F8: variants seen among roughly 807,000 people sequenced by gnomAD.
F8 encodes the protein coagulation factor VIII.
Under a neutral mutation model 140.6 loss-of-function variants are expected in F8, and 12 were observed. The ratio of observed to expected loss-of-function variants is 0.09; its 90% CI spans 0.05 to 0.14. The LOEUF is 0.14. Ranked by LOEUF, F8 falls within the 10% of genes least tolerant of loss-of-function variation. F8 has a pLI of 1.00. For synonymous variants in F8, 585 were observed against 614.6 expected (o/e 0.95, Z 0.71); for missense variants, 1,354 against 1,720.7 (o/e 0.79, Z 3.77).
At chrX:154,989,701 G>T (rs1463474018) in intron 4 of F8, among the ~76,000 whole-genome samples, 1 of 111,980 alleles carries the variant, frequency 8.9e-6, no homozygotes, top group African/African-American at 3.2e-5. Flanking sequence ...TATAGAGTGG[G>T]AGAAAATATT....
intron 1 of F8, among the ~76,000 whole-genome samples, chrX:155,003,684 C>T (rs977628682): frequency 3.6e-5 from 4 of 111,563 alleles, no homozygotes; most frequent in African/African-American, 9.8e-5. Flanking sequence ...TGCAGCTGGG[C>T]GCGGTGGCTC....
At chrX:154,846,738 A>G (rs2072569407) in intron 25 of F8, among the ~76,000 whole-genome samples, 1 of 111,760 alleles carries the variant, frequency 8.9e-6, no homozygotes, top group East Asian at 2.8e-4. Flanking sequence ...TCTTTATCCA[A>G]TGTGCCAGTC....
At position 154,999,620 on chromosome X, in the gene F8, A is replaced by G; in HGVS notation, c.144-20T>C. ...GGAAATCTGCGTGAAGAAAGGAAAA[A>G]GTCGTTCATTTTGGTGGACACTTCA... is the stretch of plus-strand genomic sequence containing the variant. On this transcript the variant is annotated intron_variant, in intron 1 of 25. Coordinates refer to ENST00000360256, the MANE Select transcript of F8 (RefSeq NM_000132.4). The G allele has an allele frequency of 8.4e-7, 1 of 1,196,985 alleles. No individual in the cohort carries two copies. The highest frequency in any genetic ancestry group is 1.1e-6 in the Non-Finnish European group (1 of 885,770).
intron 1 of F8, among the ~76,000 whole-genome samples, chrX:155,006,237 C>T (rs1300810854): frequency 8.1e-5 from 8 of 98,861 alleles, no homozygotes; most frequent in African/African-American, 1.9e-4. Context: ...GGCAGAAAAT[C>T]GCTTAGAAAC....
chrX:155,021,809 C>T (rs1374425892), intron 1 of F8, among the ~76,000 whole-genome samples: 14 of 111,193 alleles, frequency 1.3e-4, no homozygotes, highest in African/African-American at 4.6e-4. Flanking sequence ...AAGTATAGAC[C>T]AAAATATACC....
At chrX:154,960,192 G>C (rs2073388748) in intron 10 of F8, among the ~76,000 whole-genome samples, 1 of 111,669 alleles carries the variant, frequency 9.0e-6, no homozygotes, top group Admixed American at 9.5e-5. Flanking sequence ...TGAAAACACT[G>C]ATAAAACTGA....
intron 21 of F8, chrX:154,897,581 G>C (rs1456763940): frequency 8.9e-6 from 1 of 112,225 alleles, no homozygotes; most frequent in Non-Finnish European, 1.9e-5. Flanking sequence ...AGAAGTTGCA[G>C]CCCTGTCTTT....
intron 4 of F8, among the ~76,000 whole-genome samples, chrX:154,992,077 G>A (rs1457708358): frequency 8.9e-6 from 1 of 112,014 alleles, no homozygotes; most frequent in African/African-American, 3.2e-5. Context: ...CATGTGGAGA[G>A]TACCATCAAG....
chrX:154,942,474 T>C (rs1557279899), intron 13 of F8, among the ~76,000 whole-genome samples: 2 of 107,051 alleles, frequency 1.9e-5, no homozygotes, highest in Non-Finnish European at 3.9e-5. Context: ...CAGGAAGAAG[T>C]TGAATCTCTG....
intron 10 of F8, among the ~76,000 whole-genome samples, chrX:154,959,341 G>A (rs1377994179): frequency 2.7e-5 from 3 of 111,206 alleles, no homozygotes; most frequent in Non-Finnish European, 5.7e-5. Context: ...AGCCAAGATC[G>A]TGCCACTGTA....
At chrX:154,866,800 G>GA (rs1330074059) in intron 22 of F8, among the ~76,000 whole-genome samples, 10 of 97,487 alleles carry the variant, frequency 1.0e-4, no homozygotes, top group East Asian at 9.5e-4. Context: ...ACAAAAAGAA[G>GA]AAAAAAAAAA....
intron 4 of F8, among the ~76,000 whole-genome samples, chrX:154,987,785 G>A (rs1318403310): frequency 6.3e-5 from 7 of 111,381 alleles, no homozygotes; most frequent in African/African-American, 1.6e-4. Context: ...AATAAATACC[G>A]TGTATATCGA....
intron 7 of F8, among the ~76,000 whole-genome samples, chrX:154,968,470 A>G (rs970484614): frequency 7.1e-5 from 8 of 111,905 alleles, no homozygotes; most frequent in Non-Finnish European, 1.1e-4. Flanking sequence ...AGAGCCTTCA[A>G]TGGCCACGAG....
chrX:154,951,330 CAT>C (rs1193413405), intron 12 of F8, among the ~76,000 whole-genome samples: 14 of 111,954 alleles, frequency 1.3e-4, no homozygotes, highest in African/African-American at 4.2e-4. Flanking sequence ...CCACAAAACA[CAT>C]GTGTTTATTC....
Position 154,931,236 on chromosome X carries a change from C to T in F8, c.2554G>A (p.Glu852Lys), listed in dbSNP as rs2073196066. The T allele has an allele frequency of 2.5e-6, 3 of 1,210,833 alleles. No individual in the cohort carries two copies. The East Asian group carries it at 8.9e-5, about 36-fold the overall frequency. The change falls in exon 14 of 26, where the codon GAA becomes AAA. Residue 852 changes from glutamate to lysine, a missense_variant. By Grantham distance (56) the Glu-to-Lys change is moderately conservative (BLOSUM62 1). Around this residue, in one of 4 missense-constraint regions of F8, gnomAD observed 658 missense variants for 666.5 expected, o/e 0.99. Transcript: ENST00000360256. ...GAIDSNNSLS[E>K]MTHFRPQLHH... ...AGCTGTGGCCTGAAGTGTGTCATTT[C>T]AGACAGGCTGTTATTACTGTCTATT... is the stretch of plus-strand genomic sequence containing the variant.
intron 25 of F8, 43 bp downstream of exon 25, chrX:154,860,389 A>ATTCT: frequency 8.5e-7 from 1 of 1,178,044 alleles, no homozygotes; most frequent in East Asian, 3.0e-5. Flanking sequence ...GAGAGGTGGT[A>ATTCT]TTTTTTTTCT....
chrX:154,965,017 A>G (rs1191491915), intron 9 of F8, among the ~76,000 whole-genome samples: 2 of 112,194 alleles, frequency 1.8e-5, no homozygotes, highest in East Asian at 5.5e-4. Context: ...CAAATAGAAA[A>G]CTGGACAAAA....
At chrX:154,872,370 T>C (rs1327855076) in intron 22 of F8, among the ~76,000 whole-genome samples, 3 of 111,363 alleles carry the variant, frequency 2.7e-5, no homozygotes, top group Non-Finnish European at 5.7e-5. Context: ...TATACAGCCA[T>C]AAAAAAGGAT....
chrX:154,861,913 C>T (rs372564051), intron 23 of F8, 47 bp from the exon 24 acceptor site: 211 of 1,162,153 alleles, frequency 1.8e-4, no homozygotes, highest in Middle Eastern at 9.4e-4. Flanking sequence ...ATGCTTCAGC[C>T]TCAGTTATAC....
Sources: allele counts gnomAD v4.1 joint callset (sites outside exome capture counted in the v4.1 genomes callset), GRCh38; gene constraint gnomAD v4.1.1; regional missense constraint gnomAD v4.1.1; transcripts MANE v1.5; gene names NCBI Gene and HGNC (gene_info 2026-07-23, HGNC 2026-07-21).